The following SSPN variants were observed in gnomAD, a reference collection of about 807,000 sequenced individuals.
SSPN encodes the protein K-ras oncogene-associated protein.
A neutral mutation model predicts 19.1 loss-of-function variants in SSPN; 15 were observed. The ratio of observed to expected loss-of-function variants is 0.78; its 90% CI spans 0.52 to 1.21. The LOEUF (loss-of-function observed/expected upper bound fraction) is 1.21, where lower values mean the gene tolerates loss of function less well. Ranked by LOEUF, SSPN falls within the 50% of genes most tolerant of loss-of-function variation. The probability of loss-of-function intolerance (pLI) is 0.00; values close to 1 mark genes in which losing one functional copy is unlikely to be tolerated. For synonymous variants in SSPN, 147 were observed against 140.3 expected (o/e 1.05, Z -0.34); for missense variants, 291 against 314.0 (o/e 0.93, Z 0.55).
At chr12:26,179,221 G>A (rs1257534651) in intron 1 of SSPN, among the ~76,000 whole-genome samples, 1 of 152,200 alleles carries the variant, frequency 6.6e-6, no homozygotes, top group Admixed American at 6.5e-5. Context: ...TCAAAGGCCT[G>A]ACAGCAAGAA....
chr12:26,183,949 C>G (rs1944736257), intron 1 of SSPN, among the ~76,000 whole-genome samples: 1 of 152,206 alleles, frequency 6.6e-6, no homozygotes, highest in South Asian at 2.1e-4. Flanking sequence ...AATAAGAGCT[C>G]CAGAGAGCCA....
chr12:26,201,948 T>C (rs906767764), intron 1 of SSPN, among the ~76,000 whole-genome samples: 1 of 152,200 alleles, frequency 6.6e-6, no homozygotes, highest in Non-Finnish European at 1.5e-5. Flanking sequence ...TAAGCTATAT[T>C]CAGTCATCCC....
chr12:26,135,411 C>T (rs1201658732), intron 1 of SSPN, among the ~76,000 whole-genome samples: 2 of 152,060 alleles, frequency 1.3e-5, no homozygotes, highest in African/African-American at 4.8e-5. Flanking sequence ...CATCAGAATG[C>T]CAAGCTGGTA....
At chr12:26,152,912 G>C (rs1181618405) in intron 1 of SSPN, among the ~76,000 whole-genome samples, 4 of 152,124 alleles carry the variant, frequency 2.6e-5, no homozygotes, top group Non-Finnish European at 4.4e-5. Context: ...CTTCATTCCA[G>C]CCATGCTGGC....
intron 1 of SSPN, among the ~76,000 whole-genome samples, chr12:26,207,843 T>C (rs780119501): frequency 2.2e-4 from 33 of 152,030 alleles, no homozygotes; most frequent in Non-Finnish European, 4.3e-4. Context: ...ATACTTTTTG[T>C]AGAGAAATTA....
chr12:26,210,068 C>T (rs1944968936), intron 1 of SSPN, among the ~76,000 whole-genome samples: 1 of 151,956 alleles, frequency 6.6e-6, no homozygotes, highest in Admixed American at 6.6e-5. Flanking sequence ...TTCAAGCATA[C>T]ACAAGAGTAG....
intron 1 of SSPN, among the ~76,000 whole-genome samples, chr12:26,159,613 A>G (rs1308449399): frequency 6.6e-6 from 1 of 152,220 alleles, no homozygotes; most frequent in Non-Finnish European, 1.5e-5. Context: ...GTAGAATTCA[A>G]TCTGCACCCA....
intron 1 of SSPN, among the ~76,000 whole-genome samples, chr12:26,222,407 C>T (rs995939014): frequency 6.6e-6 from 1 of 152,200 alleles, no homozygotes; most frequent in Non-Finnish European, 1.5e-5. Context: ...GCCATGTTGC[C>T]TTTGCAAACA....
At chr12:26,175,713 A>G (rs1038590399) in intron 1 of SSPN, among the ~76,000 whole-genome samples, 1 of 152,212 alleles carries the variant, frequency 6.6e-6, no homozygotes, top group African/African-American at 2.4e-5. Flanking sequence ...ATGAATCTAT[A>G]ATGGGAAATA....
intron 1 of SSPN, among the ~76,000 whole-genome samples, chr12:26,204,952 TGCTCTCTGA>T (rs1944918659): frequency 6.6e-6 from 1 of 152,242 alleles, no homozygotes; most frequent in Non-Finnish European, 1.5e-5. Flanking sequence ...TTAAAGTTGA[TGCTCTCTGA>T]GCTAATGTTG....
intron 1 of SSPN, among the ~76,000 whole-genome samples, chr12:26,147,636 C>G (rs1225248401): frequency 6.6e-6 from 1 of 152,154 alleles, no homozygotes; most frequent in Non-Finnish European, 1.5e-5. Context: ...TAATGCAACA[C>G]CAGAAATTTC....
intron 1 of SSPN, chr12:26,181,115 G>C (rs1384422857): frequency 6.6e-6 from 1 of 152,194 alleles, no homozygotes; most frequent in Non-Finnish European, 1.5e-5. Context: ...TTACTTTTGT[G>C]CTATGTATAT....
At chr12:26,162,482 GAC>G (rs1345625281) in intron 1 of SSPN, among the ~76,000 whole-genome samples, 13 of 152,142 alleles carry the variant, frequency 8.5e-5, no homozygotes, top group African/African-American at 3.1e-4. Flanking sequence ...ATTCTGTCTA[GAC>G]ATGGATAACT....
In SSPN at chr12:26,195,671, C is replaced by T; in HGVS notation, c.-2C>T. 7.6e-7 allele frequency: 1 copy of T among 1,321,980 alleles called. No individual in the cohort carries two copies. The highest frequency in any genetic ancestry group is 9.6e-7 in the Non-Finnish European group (1 of 1,040,498). The allele number at this position is 1,321,980 out of a possible 1,614,324, so 81.9% of individuals were successfully genotyped here. A position where few individuals can be genotyped will look rare whatever the true frequency, so the allele number is the denominator to read the frequency against. On this transcript the variant is annotated 5_prime_UTR_variant, in exon 1 of 3. Transcript: ENST00000242729. ...CACCCACCCACCCAGCCTCGCAGCG[C>T]CATGGGCAAGAACAAGCAGCCACGC...
At chr12:26,174,961 T>G (rs1310055073) in intron 1 of SSPN, among the ~76,000 whole-genome samples, 1 of 152,244 alleles carries the variant, frequency 6.6e-6, no homozygotes, top group Non-Finnish European at 1.5e-5. Flanking sequence ...CTCAGAATGA[T>G]TATTTTGCAA....
chr12:26,230,361 G>A (rs565759701), intron 2 of SSPN, among the ~76,000 whole-genome samples: 2 of 152,244 alleles, frequency 1.3e-5, no homozygotes, highest in Non-Finnish European at 2.9e-5. Flanking sequence ...TTCAAAATAA[G>A]CACAACATGT....
chr12:26,122,392 A>G, intron 1 of SSPN: 1 of 1,256,938 alleles, frequency 8.0e-7, no homozygotes, highest in Non-Finnish European at 1.0e-6. Context: ...GGGTACAGAT[A>G]CTTCTCCAGG....
At chr12:26,209,470 G>T (rs1944962146) in intron 1 of SSPN, among the ~76,000 whole-genome samples, 1 of 151,906 alleles carries the variant, frequency 6.6e-6, no homozygotes, top group Non-Finnish European at 1.5e-5. Context: ...ATCCTGTCTA[G>T]TATGTTTCAT....
upstream of SSPN, among the ~76,000 whole-genome samples, chr12:26,194,603 C>T (rs1944809928): frequency 6.6e-6 from 1 of 152,240 alleles, no homozygotes; most frequent in Non-Finnish European, 1.5e-5. Context: ...CCAGGCTAGT[C>T]TTGAACTCCT....
Sources: gnomAD v4.1 joint callset for allele counts (sites outside exome capture counted in the v4.1 genomes callset) on GRCh38, gnomAD v4.1.1 for gene constraint, MANE v1.5 for transcripts, NCBI Gene and HGNC (gene_info 2026-07-23, HGNC 2026-07-21) for gene names.